SLC39A11: variants seen among roughly 807,000 people sequenced by gnomAD.
SLC39A11 encodes solute carrier family 39 member 11, also known as zinc transporter ZIP11.
SLC39A11 carries 33 observed loss-of-function variants against 36.1 expected under a neutral mutation model. The observed-to-expected ratio is 0.91, with a 90% CI of 0.69 to 1.22. The LOEUF (loss-of-function observed/expected upper bound fraction) is 1.22. Ranked by LOEUF, SLC39A11 falls within the 50% of genes most tolerant of loss-of-function variation. The probability of loss-of-function intolerance (pLI) is 0.00; values close to 1 mark genes in which losing one functional copy is unlikely to be tolerated. For missense variants in SLC39A11, 432 were observed against 430.3 expected, an observed-to-expected ratio of 1.00 and a Z score of -0.03; for synonymous variants, 166 against 170.3, an observed-to-expected ratio of 0.97 and a Z score of 0.20.
chr17:72,837,411 G>A (rs2078608060), intron 6 of SLC39A11, among the ~76,000 whole-genome samples: 2 of 146,782 alleles, frequency 1.4e-5, no homozygotes, highest in African/African-American at 5.0e-5. Context: ...CCAAGCAAGT[G>A]CCATGGTAGG....
rs139365706 is a variant in SLC39A11, at chr17:72,745,199, G to A, written c.602-8480C>T. Reference sequence around the variant, plus strand: ...ACAGCACCTGACATTTATGGGCATTGGTAATGAGTGGATGGGAAAGGGCAC... The same window carrying A: ...ACAGCACCTGACATTTATGGGCATTAGTAATGAGTGGATGGGAAAGGGCAC... On this transcript the variant is annotated intron_variant, in intron 6 of 9. Transcript: ENST00000255559. 7.2e-5 allele frequency among the ~76,000 whole-genome samples: 11 copies of A among 152,340 alleles called. No homozygotes were observed. The East Asian group carries it at 2.1e-3, about 29-fold the overall frequency.
intron 3 of SLC39A11, among the ~76,000 whole-genome samples, chr17:73,064,439 G>C (rs1357845893): frequency 1.3e-5 from 2 of 152,162 alleles, no homozygotes; most frequent in Admixed American, 1.3e-4. Context: ...AAATGGGAGG[G>C]AAAGGATTTC....
chr17:72,779,514 G>C (rs1018105736), intron 6 of SLC39A11, among the ~76,000 whole-genome samples: 1 of 152,188 alleles, frequency 6.6e-6, no homozygotes, highest in Non-Finnish European at 1.5e-5. Flanking sequence ...TGGGACATGA[G>C]AGGTGTAGGA....
At chr17:72,882,794 C>CTGCTTTTTTTTTTT (rs2081258704) in intron 5 of SLC39A11, among the ~76,000 whole-genome samples, 1 of 66,500 alleles carries the variant, frequency 1.5e-5, no homozygotes, top group Non-Finnish European at 2.6e-5. Flanking sequence ...AGAGAGAATG[C>CTGCTTTTTTTTTTT]TTCTTTTTTT....
At chr17:73,037,601 A>C (rs2058964822) in intron 3 of SLC39A11, among the ~76,000 whole-genome samples, 1 of 152,248 alleles carries the variant, frequency 6.6e-6, no homozygotes, top group South Asian at 2.1e-4. Context: ...TGTAAAGGCA[A>C]ACAAGTGGGC....
intron 7 of SLC39A11, among the ~76,000 whole-genome samples, chr17:72,712,212 C>G (rs139694469): frequency 1.2e-3 from 189 of 152,352 alleles, no homozygotes; most frequent in Middle Eastern, 3.4e-3. Flanking sequence ...GGAAGACAGA[C>G]AGGGGACAGG....
chr17:73,003,406 G>C (rs554602099), intron 4 of SLC39A11, among the ~76,000 whole-genome samples: 3 of 152,272 alleles, frequency 2.0e-5, no homozygotes, highest in African/African-American at 4.8e-5. Context: ...GTCCTGGGTG[G>C]AGACTGATGG....
At chr17:73,062,738 C>T (rs766382628) in intron 3 of SLC39A11, among the ~76,000 whole-genome samples, 15 of 152,082 alleles carry the variant, frequency 9.9e-5, no homozygotes, top group Admixed American at 8.5e-4. Flanking sequence ...AGTTTTTCCA[C>T]GGATTGGGGG....
intron 4 of SLC39A11, among the ~76,000 whole-genome samples, chr17:73,023,278 T>C (rs778535696): frequency 6.6e-6 from 1 of 151,464 alleles, no homozygotes; most frequent in Non-Finnish European, 1.5e-5. Flanking sequence ...CCAAAATCCA[T>C]GTATCAAAGC....
At chr17:72,917,231 T>A (rs1908278100) in intron 5 of SLC39A11, among the ~76,000 whole-genome samples, 1 of 152,212 alleles carries the variant, frequency 6.6e-6, no homozygotes, top group South Asian at 2.1e-4. Flanking sequence ...ACTTCTCTCT[T>A]CTCCACTTCC....
At chr17:72,968,265 G>A (rs1431536356) in intron 4 of SLC39A11, among the ~76,000 whole-genome samples, 1 of 152,194 alleles carries the variant, frequency 6.6e-6, no homozygotes, top group Non-Finnish European at 1.5e-5. Context: ...ACTATGGAGA[G>A]CCTGAGACTC....
intron 5 of SLC39A11, among the ~76,000 whole-genome samples, chr17:72,870,317 CA>C (rs1415661368): frequency 2.8e-4 from 1 of 3,582 alleles, no homozygotes; most frequent in Non-Finnish European, 4.2e-4. Context: ...CTGAACATCC[CA>C]GATTTAGGTA....
At chr17:72,739,282 A>G (rs1435062207) in intron 6 of SLC39A11, among the ~76,000 whole-genome samples, 1 of 151,958 alleles carries the variant, frequency 6.6e-6, no homozygotes, top group Non-Finnish European at 1.5e-5. Flanking sequence ...ATGCGCCACC[A>G]TGCCCAGCTA....
intron 6 of SLC39A11, among the ~76,000 whole-genome samples, chr17:72,740,628 T>C (rs762883456): frequency 6.6e-6 from 1 of 152,224 alleles, no homozygotes; most frequent in Non-Finnish European, 1.5e-5. Context: ...CCCGTGCTGT[T>C]ATTCAAGGTT....
chr17:72,867,298 G>A (rs192651619), intron 5 of SLC39A11, among the ~76,000 whole-genome samples: 3 of 152,218 alleles, frequency 2.0e-5, no homozygotes, highest in Admixed American at 6.5e-5. Context: ...TCAGGAGTTC[G>A]AGGCCAGCCT....
intron 4 of SLC39A11, among the ~76,000 whole-genome samples, chr17:72,965,938 T>G (rs998201514): frequency 2.6e-5 from 4 of 152,190 alleles, no homozygotes; most frequent in Admixed American, 6.5e-5. Flanking sequence ...TCCACAAACC[T>G]ACAAATTTCT....
At chr17:72,978,202 C>CTCT in intron 4 of SLC39A11, among the ~76,000 whole-genome samples, 1 of 151,814 alleles carries the variant, frequency 6.6e-6, no homozygotes, top group African/African-American at 2.4e-5. Flanking sequence ...CCCTGCCTTC[C>CTCT]TCTTCCTCTT....
At position 72,861,987 on chromosome 17, in the gene SLC39A11, T is replaced by C. The variant is rs999418199; in HGVS notation, c.431-12183A>G. ...ATGAAATGAATGATAATAAAGGAAA[T>C]GGTCAGGAGGAAAACTGGTTCCTGA... On this transcript the variant is annotated intron_variant, in intron 5 of 9. Transcript: ENST00000255559. Among the ~76,000 whole-genome samples, 5 of 151,154 alleles carry C rather than the reference T, an allele frequency of 3.3e-5. No individual in the cohort carries two copies. The East Asian group carries it at 7.9e-4, about 24-fold the overall frequency.
intron 6 of SLC39A11, among the ~76,000 whole-genome samples, chr17:72,785,159 A>G (rs564561148): frequency 6.6e-6 from 1 of 152,282 alleles, no homozygotes; most frequent in East Asian, 1.9e-4. Flanking sequence ...AACCTCTTTT[A>G]TTCATAAATT....
Sources: allele counts gnomAD v4.1 joint callset (sites outside exome capture counted in the v4.1 genomes callset), GRCh38; gene constraint gnomAD v4.1.1; transcripts MANE v1.5; gene names NCBI Gene and HGNC (gene_info 2026-07-23, HGNC 2026-07-21).